The following CNTNAP2 variants were observed in gnomAD, a reference collection of about 807,000 sequenced individuals.
CNTNAP2 encodes the protein contactin associated protein 2, also known as contactin-associated protein-like 2.
CNTNAP2 carries 98 observed loss-of-function variants against 155.2 expected under a neutral mutation model. The ratio of observed to expected loss-of-function variants is 0.63; its 90% CI spans 0.54 to 0.75. The LOEUF (loss-of-function observed/expected upper bound fraction) is 0.75, where lower values mean the gene tolerates loss of function less well. Among genes scored for constraint, CNTNAP2 ranks in the 30% least tolerant of loss-of-function variants. The probability of loss-of-function intolerance (pLI) is 0.00; values close to 1 mark genes in which losing one functional copy is unlikely to be tolerated. For synonymous variants in CNTNAP2, 651 were observed against 631.2 expected (o/e 1.03, Z -0.47); for missense variants, 1,727 against 1,688.1 (o/e 1.02, Z -0.40).
chr7:146,698,781 C>T (rs946237755), intron 1 of CNTNAP2, among the ~76,000 whole-genome samples: 6 of 152,074 alleles, frequency 3.9e-5, no homozygotes, highest in Admixed American at 2.0e-4. Flanking sequence ...TTTCGTAACA[C>T]TCATACATGT....
intron 1 of CNTNAP2, among the ~76,000 whole-genome samples, chr7:146,672,007 G>A (rs980668836): frequency 2.6e-5 from 4 of 151,802 alleles, no homozygotes; most frequent in African/African-American, 9.7e-5. Flanking sequence ...GTAGAGACGG[G>A]GTTTCACCAT....
At chr7:146,717,396 C>T (rs920473170) in intron 1 of CNTNAP2, among the ~76,000 whole-genome samples, 4 of 150,534 alleles carry the variant, frequency 2.7e-5, no homozygotes, top group African/African-American at 9.8e-5. Flanking sequence ...GCCTGTAATC[C>T]CAGCTGCTCA....
At chr7:147,472,335 C>A (rs1798239790) in intron 10 of CNTNAP2, among the ~76,000 whole-genome samples, 2 of 149,202 alleles carry the variant, frequency 1.3e-5, no homozygotes, top group Admixed American at 1.4e-4. Flanking sequence ...GCGTAAGCCT[C>A]CTGTGTAGCT....
chr7:146,334,493 T>C (rs1337434134), intron 1 of CNTNAP2, among the ~76,000 whole-genome samples: 4 of 152,126 alleles, frequency 2.6e-5, no homozygotes, highest in Admixed American at 1.3e-4. Context: ...GTGAGATTCT[T>C]ATAGAACTAA....
chr7:147,190,662 AAATT>A (rs990093402), intron 8 of CNTNAP2, among the ~76,000 whole-genome samples: 2 of 152,224 alleles, frequency 1.3e-5, no homozygotes, highest in African/African-American at 4.8e-5. Flanking sequence ...GGAGAAAAAA[AAATT>A]AATTATAATC....
In CNTNAP2 at chr7:148,242,864, A is replaced by T. The variant is rs564446532; in HGVS notation, c.3381+13085A>T. Reference sequence around the variant, plus strand: ...TTCTTCCTGCTTTCTGAAGTATTAAATATATTTGATTTGCATCCTTTCCCC... The same window carrying T: ...TTCTTCCTGCTTTCTGAAGTATTAATTATATTTGATTTGCATCCTTTCCCC... On this transcript the variant is annotated intron_variant, in intron 20 of 23. Coordinates refer to ENST00000361727, the MANE Select transcript of CNTNAP2 (RefSeq NM_014141.6). Among the ~76,000 whole-genome samples, 4 of 152,320 alleles carry T rather than the reference A, an allele frequency of 2.6e-5. No individual in the cohort carries two copies. The South Asian group carries it at 8.3e-4, about 32-fold the overall frequency.
intron 1 of CNTNAP2, among the ~76,000 whole-genome samples, chr7:146,122,360 G>C (rs1002533321): frequency 5.3e-5 from 8 of 152,118 alleles, no homozygotes; most frequent in Non-Finnish European, 8.8e-5. Flanking sequence ...GAATCCCACT[G>C]TATCACACAT....
chr7:147,775,313 ATATATATATT>A lies in CNTNAP2; in HGVS notation c.2099-128237_2099-128228del, dbSNP rs1322220675. On this transcript the variant is annotated intron_variant, in intron 13 of 23. Coordinates refer to ENST00000361727, the MANE Select transcript of CNTNAP2 (RefSeq NM_014141.6). The stretch of plus-strand genomic sequence containing the variant: ...TATATATTTATATATATTTATAAAT[ATATATATATT>A]TATATATATTTATAAATATATATAT... 4.3e-4 allele frequency among the ~76,000 whole-genome samples: 15 copies of A among 34,522 alleles called. No individual in the cohort carries two copies. In the East Asian group the frequency reaches 6.4e-3, roughly 15 times the overall value. The allele number at this position is 34,522 out of a possible 152,430, so 22.6% of individuals were successfully genotyped here.
chr7:147,939,556 T>C (rs1800677887), intron 14 of CNTNAP2, among the ~76,000 whole-genome samples: 1 of 152,132 alleles, frequency 6.6e-6, no homozygotes, highest in Admixed American at 6.6e-5. Flanking sequence ...CTCGAATTCC[T>C]GACCTTGTGA....
intron 1 of CNTNAP2, among the ~76,000 whole-genome samples, chr7:146,721,812 CTATA>C (rs1801333298): frequency 9.3e-6 from 1 of 107,256 alleles, no homozygotes; most frequent in Non-Finnish European, 1.7e-5. Flanking sequence ...TATATATAGT[CTATA>C]TATGTAGACT....
Position 148,415,522 on chromosome 7 carries a change from C to G in CNTNAP2, c.3902C>G (p.Ala1301Gly), listed in dbSNP as rs776987592. ...TACCATACCAACGAAGCAAAGGGGG[C>G]GGAGTCGGCAGAGAGCGCGGACGCC... ...GTYHTNEAKG[A>G]ESAESADAAI... The change falls in exon 24 of 24, where the codon GCG (alanine) becomes GGG (glycine). Residue 1301 changes from alanine to glycine, a missense_variant. Physicochemically the swap from Ala to Gly is moderately conservative, Grantham distance 60. Transcript: ENST00000361727. 3.1e-6 allele frequency: 5 copies of G among 1,614,206 alleles called. No individual in the cohort carries two copies. The highest frequency in any genetic ancestry group is 4.2e-6 in the Non-Finnish European group (5 of 1,180,040).
intron 15 of CNTNAP2, among the ~76,000 whole-genome samples, chr7:148,074,706 A>G (rs10248627): frequency 0.11 from 16,532 of 151,926 alleles, 1,253 homozygotes; most frequent in East Asian, 0.32. Context: ...AAAATTGAGA[A>G]TCTAAATTAA....
At chr7:147,526,562 G>A (rs1375956618) in intron 11 of CNTNAP2, among the ~76,000 whole-genome samples, 1 of 152,192 alleles carries the variant, frequency 6.6e-6, no homozygotes, top group African/African-American at 2.4e-5. Context: ...TTGCTTGAAG[G>A]AATAATTTTT....
intron 20 of CNTNAP2, among the ~76,000 whole-genome samples, chr7:148,238,226 G>A (rs913224910): frequency 7.2e-5 from 11 of 152,208 alleles, no homozygotes; most frequent in African/African-American, 2.7e-4. Flanking sequence ...GTGCACGCCT[G>A]TAGTCCCAGC....
intron 3 of CNTNAP2, among the ~76,000 whole-genome samples, chr7:146,906,736 G>A (rs953531871): frequency 7.2e-5 from 11 of 152,268 alleles, no homozygotes; most frequent in Middle Eastern, 3.4e-3. Flanking sequence ...ACTCTAAAAC[G>A]CAGAACACCT....
chr7:146,962,042 T>G (rs2129230684), intron 3 of CNTNAP2, among the ~76,000 whole-genome samples: 1 of 152,310 alleles, frequency 6.6e-6, no homozygotes, highest in Middle Eastern at 3.4e-3. Context: ...TTTTGTGACC[T>G]GTTTAGATAA....
At chr7:146,512,753 G>C (rs183233148) in intron 1 of CNTNAP2, among the ~76,000 whole-genome samples, 213 of 152,030 alleles carry the variant, frequency 1.4e-3, no homozygotes, top group African/African-American at 4.8e-3. Context: ...TGGGAAGAAT[G>C]TGTATTATGC....
intron 18 of CNTNAP2, among the ~76,000 whole-genome samples, chr7:148,183,917 C>A (rs1795078067): frequency 6.6e-6 from 1 of 152,136 alleles, no homozygotes; most frequent in African/African-American, 2.4e-5. Flanking sequence ...TGAGGCTTTG[C>A]CTTCTTTAAT....
At chr7:146,834,892 C>T (rs1803586755) in intron 2 of CNTNAP2, among the ~76,000 whole-genome samples, 1 of 152,078 alleles carries the variant, frequency 6.6e-6, no homozygotes, top group Non-Finnish European at 1.5e-5. Flanking sequence ...ACACATTTCA[C>T]AAGCCAAGTA....
Sources: allele counts gnomAD v4.1 joint callset (sites outside exome capture counted in the v4.1 genomes callset), GRCh38; gene constraint gnomAD v4.1.1; transcripts MANE v1.5; gene names NCBI Gene and HGNC (gene_info 2026-07-23, HGNC 2026-07-21).